The following RBM28 variants were observed in gnomAD, a reference collection of about 807,000 sequenced individuals.
The protein encoded by RBM28 is RNA binding motif protein 28, also known as RNA-binding protein 28.
Under a neutral mutation model 98.3 loss-of-function variants are expected in RBM28, and 78 were observed. The ratio of observed to expected loss-of-function variants is 0.79; its 90% CI spans 0.66 to 0.96. The LOEUF is 0.96. Among genes scored for constraint, RBM28 ranks in the 40% least tolerant of loss-of-function variants. The pLI is 0.00. For missense variants in RBM28, 838 were observed against 913.0 expected, an observed-to-expected ratio of 0.92 and a Z score of 1.06; for synonymous variants, 306 against 330.9, an observed-to-expected ratio of 0.92 and a Z score of 0.82.
intron 5 of RBM28, among the ~76,000 whole-genome samples, chr7:128,337,478 G>A (rs564881230): frequency 6.7e-6 from 1 of 150,358 alleles, no homozygotes; most frequent in African/African-American, 2.5e-5. Context: ...TATGTTTCCA[G>A]TTAGACTATC....
Position 128,329,314 on chromosome 7 carries a change from C to T in RBM28, c.1129+1505G>A, listed in dbSNP as rs541573286. Among the ~76,000 whole-genome samples, 8 of 152,160 alleles carry T rather than the reference C, an allele frequency of 5.3e-5. No homozygotes were observed. The South Asian group carries it at 1.0e-3, about 20-fold the overall frequency. On this transcript the variant is annotated intron_variant, in intron 10 of 18. Transcript: ENST00000223073. ...GGGTTTCTCCATATTGGTCAGGCTGCTCTTGAACTCCCGACCTCAGGTGAT... is the reference window on the plus strand; with the variant it reads ...GGGTTTCTCCATATTGGTCAGGCTGTTCTTGAACTCCCGACCTCAGGTGAT...
In RBM28 at chr7:128,299,784, AG is replaced by A. The variant is rs1253569011; in HGVS notation, c.*11012del. 6.6e-6 allele frequency: 1 copy of A among 152,266 alleles called. No homozygotes were observed. The highest frequency in any genetic ancestry group is 1.5e-5 in the Non-Finnish European group (1 of 68,058). 9.4% of individuals were successfully genotyped at this position (152,266 alleles called of 1,614,324 possible). ...TTTGGAAGGGACACATTCAAACCAT[AG>A]CAGAGATGTAATCAAATTAAGATGA... is the stretch of plus-strand genomic sequence containing the variant. On this transcript the variant is annotated 3_prime_UTR_variant, in exon 19 of 19. Transcript: ENST00000223073.
In RBM28 at chr7:128,314,754, T is replaced by G. The variant is rs1299263250; in HGVS notation, c.2045+10A>C. The G allele has an allele frequency of 6.2e-7, 1 of 1,614,124 alleles. No individual in the cohort carries two copies. Among genetic ancestry groups the G allele is most frequent in the East Asian group, 2.2e-5 (1 of 44,902 alleles). On this transcript the variant is annotated intron_variant, in intron 17 of 18. Coordinates refer to ENST00000223073, the MANE Select transcript of RBM28 (RefSeq NM_018077.3). ...CCACTGTTCTGTGCTTCTGCCCTCC[T>G]GCATCTCACCTGATTTTGGGGCCTC...
chr7:128,319,416 A>G (rs1796174260), intron 14 of RBM28, among the ~76,000 whole-genome samples: 1 of 152,222 alleles, frequency 6.6e-6, no homozygotes, highest in South Asian at 2.1e-4. Context: ...GGATGATAGG[A>G]GAAATTACAC....
chr7:128,336,524 AG>A (rs1796603620), intron 6 of RBM28, among the ~76,000 whole-genome samples: 1 of 152,222 alleles, frequency 6.6e-6, no homozygotes, highest in Non-Finnish European at 1.5e-5. Flanking sequence ...TGGAAACAAC[AG>A]CAAGTAAAGG....
At chr7:128,312,512 A>G (rs575676846) in intron 18 of RBM28, among the ~76,000 whole-genome samples, 6 of 152,250 alleles carry the variant, frequency 3.9e-5, no homozygotes, top group African/African-American at 7.2e-5. Flanking sequence ...GACACCACAA[A>G]GAAGCAAATG....
intron 18 of RBM28, among the ~76,000 whole-genome samples, chr7:128,312,123 A>G (rs1795997610): frequency 6.6e-6 from 1 of 152,222 alleles, no homozygotes; most frequent in African/African-American, 2.4e-5. Flanking sequence ...TCTCTTCAAG[A>G]AAACTGAACT....
intron 14 of RBM28, among the ~76,000 whole-genome samples, chr7:128,320,406 TA>T (rs1183275186): frequency 3.0e-3 from 275 of 92,792 alleles, no homozygotes; most frequent in Non-Finnish European, 3.3e-3. Flanking sequence ...AGACCACATC[TA>T]AAAAAAAAAA....
chr7:128,338,331 G>GC lies in RBM28; in HGVS notation c.459dup (p.Arg154AlafsTer16). On this transcript the variant is annotated frameshift_variant, in exon 5 of 19. Transcript: ENST00000223073. LOFTEE classifies it high-confidence loss of function. ...TTGAACTGAACAAAACCAAAACCGC[G>GC]CATCTTCCCATCTGTGTGCAAATGC... is the stretch of plus-strand genomic sequence containing the variant. 6 of 1,613,712 alleles carry GC rather than the reference G, an allele frequency of 3.7e-6. No homozygotes were observed. The highest frequency in any genetic ancestry group is 5.1e-6 in the Non-Finnish European group (6 of 1,179,648).
At chr7:128,326,302 CAAA>C (rs773183550) in intron 10 of RBM28, among the ~76,000 whole-genome samples, 3 of 51,224 alleles carry the variant, frequency 5.9e-5, no homozygotes, top group Non-Finnish European at 8.0e-5. Context: ...GACTCCGTCT[CAAA>C]AAAAAAAAAA....
rs2116294629 is a variant in RBM28 at position 128,301,005 on chromosome 7, A to G, written c.*9792T>C. The G allele has an allele frequency of 6.6e-6, 1 of 152,598 alleles. No individual in the cohort carries two copies. The highest frequency in any genetic ancestry group is 3.4e-3 in the Middle Eastern group (1 of 296). The allele number at this position is 152,598 out of a possible 1,614,324, so 9.5% of individuals were successfully genotyped here. A position where few individuals can be genotyped will look rare whatever the true frequency, so the allele number is the denominator to read the frequency against. ...ACCCCGGGAGCAGAGCCTGGCTCATATCCTGGTATCCCTGCAGAGGCTGGA... is the reference window on the plus strand; with the variant it reads ...ACCCCGGGAGCAGAGCCTGGCTCATGTCCTGGTATCCCTGCAGAGGCTGGA... On this transcript the variant is annotated 3_prime_UTR_variant, in exon 19 of 19. Coordinates refer to ENST00000223073, the MANE Select transcript of RBM28 (RefSeq NM_018077.3).
At chr7:128,329,917 A>G (rs986782234) in intron 10 of RBM28, among the ~76,000 whole-genome samples, 2 of 148,012 alleles carry the variant, frequency 1.4e-5, no homozygotes, top group Non-Finnish European at 3.0e-5. Context: ...AAAAAAAAAG[A>G]ACTTAGTGCT....
chr7:128,322,665 T>C (rs1324483805), intron 13 of RBM28, among the ~76,000 whole-genome samples: 1 of 152,208 alleles, frequency 6.6e-6, no homozygotes, highest in African/African-American at 2.4e-5. Context: ...AATATGTCAT[T>C]ATTGCACTGT....
At chr7:128,316,088 T>C (rs1049009264) in intron 16 of RBM28, among the ~76,000 whole-genome samples, 7 of 87,594 alleles carry the variant, frequency 8.0e-5, no homozygotes, top group Non-Finnish European at 2.0e-4. Flanking sequence ...TCTAGATAGG[T>C]ACAACGATAC....
At chr7:128,338,633 A>C in intron 4 of RBM28, 93 bp downstream of exon 4, 1 of 934,222 alleles carries the variant, frequency 1.1e-6, no homozygotes, top group Non-Finnish European at 1.8e-6. Flanking sequence ...GATGTGAAGC[A>C]CTGTGCCAAA....
chr7:128,315,147 A>G, intron 16 of RBM28, 127 bp from the exon 17 acceptor site: 1 of 1,393,016 alleles, frequency 7.2e-7, no homozygotes, highest in Non-Finnish European at 1.0e-6. Context: ...ACAATTGGAG[A>G]CTAGAGGAAA....
Position 128,343,664 on chromosome 7 carries a change from C to T in RBM28, c.118+12G>A. 1.3e-6 allele frequency: 2 copies of T among 1,598,458 alleles called. No homozygotes were observed. Among genetic ancestry groups the T allele is most frequent in the Non-Finnish European group, 1.7e-6 (2 of 1,170,028 alleles). On this transcript the variant is annotated intron_variant, in intron 1 of 18. Coordinates refer to ENST00000223073, the MANE Select transcript of RBM28 (RefSeq NM_018077.3). Reference sequence around the variant, plus strand: ...GAAACCCCAGCCCTATCCTCGACCGCCCCGCCCCTACCTTTTTCAGTCACC... The same window carrying T: ...GAAACCCCAGCCCTATCCTCGACCGTCCCGCCCCTACCTTTTTCAGTCACC...
In RBM28 at chr7:128,335,878, T is replaced by C. The variant is rs866218670; in HGVS notation, c.778A>G (p.Lys260Glu). 5.0e-6 allele frequency: 8 copies of C among 1,614,140 alleles called. 1 individual carries two copies. The highest frequency in any genetic ancestry group is 1.6e-4 in the Middle Eastern group (1 of 6,062). Residue 260 changes from lysine to glutamate, a missense_variant, in exon 7 of 19, where the codon AAG becomes GAG. Coordinates refer to ENST00000223073, the MANE Select transcript of RBM28 (RefSeq NM_018077.3). ...TGAATTTGCACAGGCTTGGTCACCTTTGATTCTATATTCTCTTCCTCTTCA... is the reference window on the plus strand; with the variant it reads ...TGAATTTGCACAGGCTTGGTCACCTCTGATTCTATATTCTCTTCCTCTTCA... ...EDEEEENIES[K>E]VTKPVQIQKR...
rs1254096613 is a variant in RBM28 at position 128,306,477 on chromosome 7, G to C, written c.*4320C>G. On this transcript the variant is annotated 3_prime_UTR_variant, in exon 19 of 19. Transcript: ENST00000223073. ...TTCAACAGTATGAAACTCCTACTAC[G>C]AGTAAATCAATGTTAGGTGTTGTGG... is the stretch of plus-strand genomic sequence containing the variant. 1.3e-5 allele frequency: 2 copies of C among 152,162 alleles called. No homozygotes were observed. Among genetic ancestry groups the C allele is most frequent in the Admixed American group, 1.3e-4 (2 of 15,282 alleles). 9.4% of individuals were successfully genotyped at this position (152,162 alleles called of 1,614,324 possible). A position where few individuals can be genotyped will look rare whatever the true frequency, so the allele number is the denominator to read the frequency against.
Sources: allele counts gnomAD v4.1 joint callset (sites outside exome capture counted in the v4.1 genomes callset), GRCh38; gene constraint gnomAD v4.1.1; transcripts MANE v1.5; gene names NCBI Gene and HGNC (gene_info 2026-07-23, HGNC 2026-07-21).